Variants in CAPN11 observed in about 807,000 individuals in gnomAD.
The protein encoded by CAPN11 is calpain 11.
CAPN11 carries 108 observed loss-of-function variants against 105.3 expected under a neutral mutation model. That is an observed-to-expected ratio of 1.03 (90% CI 0.88 to 1.20). The LOEUF (loss-of-function observed/expected upper bound fraction) is 1.20. CAPN11 is among the 50% of genes most tolerant of loss of function. CAPN11 has a pLI of 0.00. For missense variants in CAPN11, 883 were observed against 924.8 expected (o/e 0.95, Z 0.59); for synonymous variants, 329 against 344.5 (o/e 0.96, Z 0.50).
At chr6:44,172,611 G>C (rs966953930) in intron 5 of CAPN11, among the ~76,000 whole-genome samples, 191 bp downstream of exon 5, 1 of 152,192 alleles carries the variant, frequency 6.6e-6, no homozygotes, top group African/African-American at 2.4e-5. Flanking sequence ...AAAGAAAATA[G>C]TTGTTAGCAA....
chr6:44,173,353 G>A lies in CAPN11; in HGVS notation c.798G>A (p.Val266=). ...TGCTCAGGCTCCTTAGGAAGGCCGT[G>A]GAGCGATCCTCCCTCATGGGTTGCT... ...QNLLRLLRKA[V]ERSSLMGCSI... The change falls in exon 7 of 23, where the codon GTG becomes GTA. Residue 266 remains valine, a synonymous_variant. Coordinates refer to ENST00000398776, the MANE Select transcript of CAPN11 (RefSeq NM_007058.4). 11 of 1,613,170 alleles carry A rather than the reference G, an allele frequency of 6.8e-6. No individual in the cohort carries two copies. Among genetic ancestry groups the A allele is most frequent in the Non-Finnish European group, 9.3e-6 (11 of 1,179,600 alleles).
intron 5 of CAPN11, 106 bp downstream of exon 5, chr6:44,172,526 G>A: frequency 1.5e-6 from 1 of 685,004 alleles, no homozygotes; most frequent in East Asian, 2.9e-5. Flanking sequence ...CATTTATTAG[G>A]GTGGGTTTTG....
intron 6 of CAPN11, 67 bp downstream of exon 6, chr6:44,173,140 G>A (rs1334631180): frequency 6.2e-7 from 1 of 1,603,880 alleles, no homozygotes; most frequent in Non-Finnish European, 8.5e-7. Context: ...ATCAGGGGGA[G>A]GGGAGGGGGT....
chr6:44,177,782 C>T (rs535321300), intron 12 of CAPN11, among the ~76,000 whole-genome samples: 7 of 152,158 alleles, frequency 4.6e-5, no homozygotes, highest in African/African-American at 9.7e-5. Flanking sequence ...CCACCACACC[C>T]GGCTGCCTGG....
At chr6:44,160,731 G>A (rs185934014) in intron 1 of CAPN11, among the ~76,000 whole-genome samples, 1 of 152,364 alleles carries the variant, frequency 6.6e-6, no homozygotes, top group East Asian at 1.9e-4. Flanking sequence ...GTCCATTCAT[G>A]CCTTTTAACA....
chr6:44,180,688 G>A, intron 16 of CAPN11, 26 bp downstream of exon 16: 1 of 1,613,740 alleles, frequency 6.2e-7, no homozygotes, highest in Non-Finnish European at 8.5e-7. Flanking sequence ...GCGGAGGGCT[G>A]ACAGGAGGGG....
intron 12 of CAPN11, 70 bp from the exon 13 acceptor site, chr6:44,179,549 C>T: frequency 7.3e-7 from 1 of 1,375,192 alleles, no homozygotes; most frequent in Non-Finnish European, 1.0e-6. Context: ...ACACATCCCA[C>T]TTGGCTTCTG....
Position 44,176,904 on chromosome 6 carries a change from ACT to A in CAPN11, c.1148_1149del (p.Ser383TrpfsTer39). On this transcript the variant is annotated frameshift_variant, in exon 11 of 23. Transcript: ENST00000398776. LOFTEE classifies it high-confidence loss of function. The stretch of plus-strand genomic sequence containing the variant: ...AGATCTGCAACCTCACGCCTGATAC[ACT>A]CTCTGGGGACTACAAGAGCTACTGG... Reference protein sequence around the residue: ...LEICNLTPDTLSGDYKSYWHT... With the variant: ...LEICNLTPDTXSGDYKSYWHT... 1.9e-6 allele frequency: 3 copies of A among 1,613,430 alleles called. No individual in the cohort carries two copies. Among genetic ancestry groups the A allele is most frequent in the Non-Finnish European group, 2.5e-6 (3 of 1,179,814 alleles).
chr6:44,181,137 C>A, intron 18 of CAPN11, 115 bp from the exon 19 acceptor site: 4 of 1,200,420 alleles, frequency 3.3e-6, no homozygotes, highest in Admixed American at 1.7e-5. Context: ...GTTCTTCTGG[C>A]TGCTACAGTA....
At chr6:44,162,613 C>A (rs188793785) in intron 1 of CAPN11, among the ~76,000 whole-genome samples, 1 of 152,246 alleles carries the variant, frequency 6.6e-6, no homozygotes, top group Non-Finnish European at 1.5e-5. Context: ...AAGTGCACCC[C>A]ACCCTCAGGG....
chr6:44,160,369 G>A (rs1286307685), intron 1 of CAPN11, among the ~76,000 whole-genome samples: 1 of 152,196 alleles, frequency 6.6e-6, no homozygotes, highest in African/African-American at 2.4e-5. Flanking sequence ...TGTAATCCCA[G>A]CACTTTGGGA....
intron 11 of CAPN11, 49 bp downstream of exon 11, chr6:44,177,047 G>A (rs764406360): frequency 4.5e-5 from 72 of 1,588,230 alleles, no homozygotes; most frequent in Middle Eastern, 1.7e-4. Flanking sequence ...TGAAGGATGG[G>A]CCACGGCTCA....
chr6:44,178,292 C>T (rs182690845), intron 12 of CAPN11, among the ~76,000 whole-genome samples: 9 of 152,246 alleles, frequency 5.9e-5, no homozygotes, highest in Non-Finnish European at 1.2e-4. Context: ...GATTCCCAGG[C>T]GCTCTGAGAC....
chr6:44,167,770 G>A (rs1166429307), intron 2 of CAPN11, among the ~76,000 whole-genome samples: 1 of 151,782 alleles, frequency 6.6e-6, no homozygotes, highest in Non-Finnish European at 1.5e-5. Flanking sequence ...TAAAAAATCA[G>A]ACAGGCATGG....
rs1205582567 is a variant in CAPN11 at position 44,161,854 on chromosome 6, C to G, written c.16+2990C>G. ...CCAGGGTAGAGGCTGCCTGGAGTGA[C>G]TGCACGGTGCAAGGGCATGGAGTGG... is the stretch of plus-strand genomic sequence containing the variant. On this transcript the variant is annotated intron_variant, in intron 1 of 22. Coordinates refer to ENST00000398776, the MANE Select transcript of CAPN11 (RefSeq NM_007058.4). 19 of 456,278 alleles carry G rather than the reference C, an allele frequency of 4.2e-5. No individual in the cohort carries two copies. In the East Asian group the frequency reaches 1.3e-3, roughly 32 times the overall value. The allele number at this position is 456,278 out of a possible 1,614,324, so 28.3% of individuals were successfully genotyped here.
Position 44,171,591 on chromosome 6 carries a change from G to A in CAPN11, c.410-711G>A, listed in dbSNP as rs1771012976. The stretch of plus-strand genomic sequence containing the variant: ...ACCTGTAATCCTAGCACCTTGGGAG[G>A]CCAAGGCAGGAGGACTGCTTGAGCT... On this transcript the variant is annotated intron_variant, in intron 4 of 22. Transcript: ENST00000398776. Among the ~76,000 whole-genome samples the A allele has an allele frequency of 2.0e-5, 3 of 152,280 alleles. 1 individual carries two copies. The South Asian group carries it at 6.2e-4, about 32-fold the overall frequency.
chr6:44,179,946 A>C lies in CAPN11; in HGVS notation c.1429-6A>C. The C allele has an allele frequency of 6.2e-7, 1 of 1,606,922 alleles. No homozygotes were observed. Among genetic ancestry groups the C allele is most frequent in the Non-Finnish European group, 8.5e-7 (1 of 1,173,460 alleles). ...AGTCCTGTACCCACTTCCAGGATGC[A>C]TATAGTTTCAGAACATTCAGGATGT... On this transcript the variant is annotated splice_region_variant and splice_polypyrimidine_tract_variant and intron_variant, in intron 13 of 22. Coordinates refer to ENST00000398776, the MANE Select transcript of CAPN11 (RefSeq NM_007058.4).
intron 1 of CAPN11, among the ~76,000 whole-genome samples, chr6:44,162,923 CAT>C (rs1769161715): frequency 6.6e-6 from 1 of 152,170 alleles, no homozygotes; most frequent in African/African-American, 2.4e-5. Context: ...CAAGCACACA[CAT>C]GACTCCAATA....
intron 22 of CAPN11, 30 bp downstream of exon 22, chr6:44,183,793 C>T: frequency 6.2e-7 from 1 of 1,609,008 alleles, no homozygotes; most frequent in Non-Finnish European, 8.5e-7. Flanking sequence ...AAGGAATCTG[C>T]AGGATTGCAC....
Sources: allele counts gnomAD v4.1 joint callset (sites outside exome capture counted in the v4.1 genomes callset), GRCh38; gene constraint gnomAD v4.1.1; transcripts MANE v1.5; gene names NCBI Gene and HGNC (gene_info 2026-07-23, HGNC 2026-07-21).